The following SGCD variants were observed in gnomAD, a reference collection of about 807,000 sequenced individuals.
SGCD encodes delta-sarcoglycan.
Under a neutral mutation model 36.6 loss-of-function variants are expected in SGCD, and 18 were observed. That is an observed-to-expected ratio of 0.49 (90% CI 0.34 to 0.73). SGCD has a LOEUF of 0.73. Ranked by LOEUF, SGCD falls within the 30% of genes least tolerant of loss-of-function variation. The pLI is 0.01. For missense variants in SGCD, 387 were observed against 346.7 expected (o/e 1.12, Z -0.92); for synonymous variants, 133 against 130.6 (o/e 1.02, Z -0.12).
chr5:155,838,035 A>G, the SGCD span, among the ~76,000 whole-genome samples: 1 of 152,184 alleles, frequency 6.6e-6, no homozygotes, highest in South Asian at 2.1e-4. Flanking sequence ...AACCCGTCAC[A>G]CAGTCTCAAC....
At chr5:156,682,769 G>C (rs1753769048) in intron 7 of SGCD, among the ~76,000 whole-genome samples, 2 of 147,518 alleles carry the variant, frequency 1.4e-5, no homozygotes, top group Admixed American at 1.4e-4. Context: ...AAGGACCAGG[G>C]GAGGCTTAGT....
chr5:155,903,805 A>G (rs549874104), intron 1 of SGCD, among the ~76,000 whole-genome samples: 1 of 152,312 alleles, frequency 6.6e-6, no homozygotes, highest in Admixed American at 6.5e-5. Flanking sequence ...CTCTAACTTA[A>G]TTCAGCTTCA....
At chr5:156,442,480 A>G (rs1380858671) in intron 3 of SGCD, among the ~76,000 whole-genome samples, 1 of 152,218 alleles carries the variant, frequency 6.6e-6, no homozygotes, top group African/African-American at 2.4e-5. Flanking sequence ...TTCATTTTTA[A>G]AAAGACAATG....
At chr5:155,888,051 C>T (rs1756046686) in intron 1 of SGCD, among the ~76,000 whole-genome samples, 1 of 152,174 alleles carries the variant, frequency 6.6e-6, no homozygotes, top group Non-Finnish European at 1.5e-5. Flanking sequence ...TCATCCAACT[C>T]CAAAGCTCTG....
the SGCD span, among the ~76,000 whole-genome samples, chr5:155,771,293 G>A: frequency 6.6e-6 from 1 of 152,010 alleles, no homozygotes; most frequent in South Asian, 2.1e-4. Flanking sequence ...CTGTCACCTA[G>A]GCTGGAGTGC....
intron 7 of SGCD, among the ~76,000 whole-genome samples, chr5:156,691,641 G>A (rs545370172): frequency 3.8e-4 from 58 of 152,220 alleles, no homozygotes; most frequent in African/African-American, 1.1e-3. Context: ...TTCATGTCAT[G>A]AAGTATTCTT....
chr5:155,978,366 G>A (rs1758162258), intron 1 of SGCD, among the ~76,000 whole-genome samples: 1 of 152,206 alleles, frequency 6.6e-6, no homozygotes, highest in Non-Finnish European at 1.5e-5. Flanking sequence ...AGTGGGACAG[G>A]GTGGGAGGGA....
intron 6 of SGCD, among the ~76,000 whole-genome samples, chr5:156,634,704 C>T (rs570778602): frequency 2.8e-4 from 42 of 152,136 alleles, no homozygotes; most frequent in African/African-American, 8.7e-4. Context: ...AGATACATGA[C>T]GCATGTATTT....
At chr5:156,687,172 G>A (rs190437647) in intron 7 of SGCD, among the ~76,000 whole-genome samples, 2 of 152,320 alleles carry the variant, frequency 1.3e-5, no homozygotes, top group East Asian at 3.9e-4. Context: ...AGGCAGGGCA[G>A]GCTAGAGGCT....
At chr5:156,014,236 A>T (rs1025880626) in intron 1 of SGCD, among the ~76,000 whole-genome samples, 1 of 152,094 alleles carries the variant, frequency 6.6e-6, no homozygotes, top group Non-Finnish European at 1.5e-5. Context: ...TACTTTGCTC[A>T]TTCAGTTTCC....
the SGCD span, among the ~76,000 whole-genome samples, chr5:155,786,672 T>C: frequency 6.6e-6 from 1 of 152,140 alleles, no homozygotes; most frequent in African/African-American, 2.4e-5. Context: ...GTCATCTTCC[T>C]CCTCCACACA....
chr5:156,647,687 C>G (rs1358743003), intron 7 of SGCD, among the ~76,000 whole-genome samples, 151 bp downstream of exon 7: 1 of 151,966 alleles, frequency 6.6e-6, no homozygotes, highest in Non-Finnish European at 1.5e-5. Flanking sequence ...AAGCTACAAC[C>G]AAAAGAAAAT....
At chr5:156,437,807 A>G (rs1455433968) in intron 3 of SGCD, among the ~76,000 whole-genome samples, 3 of 152,162 alleles carry the variant, frequency 2.0e-5, no homozygotes, top group East Asian at 1.9e-4. Flanking sequence ...AAGAAAATAT[A>G]TATGTGTTTT....
chr5:156,492,432 C>T (rs1033657688), intron 3 of SGCD, among the ~76,000 whole-genome samples: 3 of 152,082 alleles, frequency 2.0e-5, no homozygotes, highest in East Asian at 1.9e-4. Context: ...GCCTAAGACC[C>T]GCAAAAATCA....
At chr5:155,875,729 T>A (rs1436086356) in intron 1 of SGCD, among the ~76,000 whole-genome samples, 1 of 151,902 alleles carries the variant, frequency 6.6e-6, no homozygotes, top group Non-Finnish European at 1.5e-5. Context: ...GGCAAAAGCA[T>A]CTGACATTCC....
the SGCD span, among the ~76,000 whole-genome samples, chr5:155,727,872 G>C: frequency 6.6e-6 from 1 of 152,182 alleles, no homozygotes; most frequent in African/African-American, 2.4e-5. Context: ...TCCTTCTCCC[G>C]GTGTTTCTTA....
rs565306181 is a variant in SGCD at position 156,436,018 on chromosome 5, C to T, written c.193-72583C>T. 7.9e-5 allele frequency among the ~76,000 whole-genome samples: 12 copies of T among 152,230 alleles called. No individual in the cohort carries two copies. In the South Asian group the frequency reaches 8.3e-4, roughly 11 times the overall value. ...CAAGTTCCCAGACCAAGTGTGGACCCCACCTGTGTGCCCCTAGCACCCAAA... is the reference window on the plus strand; with the variant it reads ...CAAGTTCCCAGACCAAGTGTGGACCTCACCTGTGTGCCCCTAGCACCCAAA... On this transcript the variant is annotated intron_variant, in intron 3 of 8. Coordinates refer to ENST00000337851, the MANE Select transcript of SGCD (RefSeq NM_000337.6).
chr5:156,051,708 A>G (rs1372823679), intron 1 of SGCD, among the ~76,000 whole-genome samples: 1 of 146,032 alleles, frequency 6.8e-6, no homozygotes, highest in African/African-American at 2.5e-5. Flanking sequence ...AAACAAATAT[A>G]TAAATGAGCA....
At chr5:155,814,227 T>C in the SGCD span, among the ~76,000 whole-genome samples, 13 of 152,346 alleles carry the variant, frequency 8.5e-5, no homozygotes, top group East Asian at 2.3e-3. Flanking sequence ...ACCTTGGTCC[T>C]CTCCACTTCA....
Sources: gnomAD v4.1 joint callset for allele counts (sites outside exome capture counted in the v4.1 genomes callset) on GRCh38, gnomAD v4.1.1 for gene constraint, MANE v1.5 for transcripts, NCBI Gene and HGNC (gene_info 2026-07-23, HGNC 2026-07-21) for gene names.